The following NT5E variants were observed in gnomAD, a reference collection of about 807,000 sequenced individuals.
The protein encoded by NT5E is 5'-nucleotidase.
Under a neutral mutation model 55.1 loss-of-function variants are expected in NT5E, and 53 were observed. That is an observed-to-expected ratio of 0.96 (90% CI 0.77 to 1.21). The LOEUF (loss-of-function observed/expected upper bound fraction) is 1.21. Ranked by LOEUF, NT5E falls within the 50% of genes most tolerant of loss-of-function variation. The pLI is 0.00. For missense variants in NT5E, 683 were observed against 724.3 expected, an observed-to-expected ratio of 0.94 and a Z score of 0.65; for synonymous variants, 270 against 278.4, an observed-to-expected ratio of 0.97 and a Z score of 0.30.
intron 2 of NT5E, among the ~76,000 whole-genome samples, chr6:85,469,852 T>C (rs1469421388): frequency 6.6e-6 from 1 of 152,200 alleles, no homozygotes; most frequent in Non-Finnish European, 1.5e-5. Flanking sequence ...CCATGGTAAT[T>C]TGCACTTGTG....
chr6:85,493,770 A>T, intron 8 of NT5E, 71 bp from the exon 9 acceptor site: 1 of 1,345,440 alleles, frequency 7.4e-7, no homozygotes, highest in Non-Finnish European at 1.1e-6. Context: ...TTTTATAATT[A>T]CAAAGGACTA....
In NT5E at chr6:85,485,890, C is replaced by T. The variant is rs369286707; in HGVS notation, c.949+458C>T. Among the ~76,000 whole-genome samples, 479 of 152,218 alleles carry T rather than the reference C, an allele frequency of 3.1e-3. 2 individuals carry two copies. The highest frequency in any genetic ancestry group is 5.4e-3 in the Non-Finnish European group (370 of 68,028). On this transcript the variant is annotated intron_variant, in intron 4 of 8. Transcript: ENST00000257770. ...CTTATTTATATGTCTGAGTCTATTG[C>T]GGGATCTGGCCAGCAGCCCGCAATG...
chr6:85,491,151 C>T, intron 7 of NT5E: 1 of 514,756 alleles, frequency 1.9e-6, no homozygotes, highest in Non-Finnish European at 4.0e-6. Flanking sequence ...GGGGCAAGTT[C>T]TCAACCCCTC....
chr6:85,450,577 G>A lies in NT5E; in HGVS notation c.339+99G>A. On this transcript the variant is annotated intron_variant, in intron 1 of 8. Transcript: ENST00000257770. The surrounding 1 kb of genome is among the most constrained non-coding windows in gnomAD (Gnocchi z 4.0). ...GCAGAGTGTGGCAAGCCTAGGTCCA[G>A]GGCGCGGAGAGATGTGGGGATAAAG... 2.6e-6 allele frequency: 3 copies of A among 1,148,564 alleles called. No individual in the cohort carries two copies. Among genetic ancestry groups the A allele is most frequent in the South Asian group, 2.7e-5 (2 of 75,412 alleles). The allele number at this position is 1,148,564 out of a possible 1,614,324, so 71.1% of individuals were successfully genotyped here.
intron 8 of NT5E, among the ~76,000 whole-genome samples, chr6:85,493,143 G>A (rs918451135): frequency 6.6e-6 from 1 of 152,130 alleles, no homozygotes; most frequent in African/African-American, 2.4e-5. Flanking sequence ...CTCAACACTG[G>A]TTATACATTA....
Position 85,485,261 on chromosome 6 carries a change from G to C in NT5E, c.778G>C (p.Ala260Pro). 6.2e-7 allele frequency: 1 copy of C among 1,614,196 alleles called. No homozygotes were observed. The highest frequency in any genetic ancestry group is 8.5e-7 in the Non-Finnish European group (1 of 1,180,022). Residue 260 changes from alanine (A) to proline (P), a missense_variant, in exon 4 of 9, where the codon GCT becomes CCT. Coordinates refer to ENST00000257770, the MANE Select transcript of NT5E (RefSeq NM_002526.4). ...TGNPPSKEVP[A>P]GKYPFIVTSD... is the part of the protein sequence containing the mutation. ...CAATCCACCTTCCAAAGAGGTGCCT[G>C]CTGGGAAGTACCCATTCATAGTCAC... is the stretch of plus-strand genomic sequence containing the variant.
intron 2 of NT5E, among the ~76,000 whole-genome samples, chr6:85,469,411 CA>C (rs966880702): frequency 8.5e-4 from 118 of 138,610 alleles, no homozygotes; most frequent in Middle Eastern, 3.6e-3. Context: ...GGATACTGAC[CA>C]AAAAAAAAAA....
chr6:85,475,920 G>A (rs558997105), intron 3 of NT5E, among the ~76,000 whole-genome samples: 1 of 151,814 alleles, frequency 6.6e-6, no homozygotes, highest in Non-Finnish European at 1.5e-5. Context: ...CAGGATTTGG[G>A]GAAATAAAAA....
chr6:85,464,655 T>C (rs371624496), intron 1 of NT5E, among the ~76,000 whole-genome samples: 1 of 152,162 alleles, frequency 6.6e-6, no homozygotes, highest in African/African-American at 2.4e-5. Context: ...AAGGTCAGGT[T>C]TGCATTTGAG....
chr6:85,467,678 C>A (rs887242114), intron 2 of NT5E, among the ~76,000 whole-genome samples: 3 of 152,120 alleles, frequency 2.0e-5, no homozygotes, highest in Non-Finnish European at 2.9e-5. Context: ...CTTATTGCTC[C>A]TTTTCTAGGA....
At chr6:85,490,972 CAATTA>C in intron 7 of NT5E, 1 of 499,866 alleles carries the variant, frequency 2.0e-6, no homozygotes, top group Non-Finnish European at 3.9e-6. Flanking sequence ...TTTAAGCATT[CAATTA>C]TTTTTTTTTT....
intron 3 of NT5E, among the ~76,000 whole-genome samples, chr6:85,485,021 G>C (rs1769620576): frequency 6.6e-6 from 1 of 152,204 alleles, no homozygotes; most frequent in African/African-American, 2.4e-5. Flanking sequence ...CTTGGTAAAT[G>C]ACTGCTGAGT....
Position 85,494,235 on chromosome 6 carries a change from G to T in NT5E, c.*231G>T. The T allele has an allele frequency of 1.9e-6, 1 of 523,512 alleles. No homozygotes were observed. The highest frequency in any genetic ancestry group is 5.0e-4 in the Middle Eastern group (1 of 2,002). 32.4% of individuals were successfully genotyped at this position (523,512 alleles called of 1,614,324 possible). On this transcript the variant is annotated 3_prime_UTR_variant, in exon 9 of 9. Transcript: ENST00000257770. ...GCCCTATAAGGAGAAAGCCAACTATGTTAAGTTTACGTGTCCAAATTTTAA... is the reference window on the plus strand; with the variant it reads ...GCCCTATAAGGAGAAAGCCAACTATTTTAAGTTTACGTGTCCAAATTTTAA...
Position 85,493,912 on chromosome 6 carries a change from C to A in NT5E, c.1633C>A (p.Arg545=). 6.2e-7 allele frequency: 1 copy of A among 1,613,968 alleles called. No homozygotes were observed. The highest frequency in any genetic ancestry group is 8.5e-7 in the Non-Finnish European group (1 of 1,179,872). The change falls in exon 9 of 9, where the codon CGG becomes AGG. Residue 545 remains arginine (R), a synonymous_variant. Coordinates refer to ENST00000257770, the MANE Select transcript of NT5E (RefSeq NM_002526.4). ...MKVIYPAVEG[R]IKFSTGSHCH... is the part of the protein sequence containing the mutation. Reference sequence around the variant, plus strand: ...AGTAATTTATCCAGCAGTTGAAGGTCGGATCAAGTTTTCCACAGGAAGTCA... The same window carrying A: ...AGTAATTTATCCAGCAGTTGAAGGTAGGATCAAGTTTTCCACAGGAAGTCA...
At chr6:85,460,908 A>AAC (rs1162191514) in intron 1 of NT5E, among the ~76,000 whole-genome samples, 2 of 152,160 alleles carry the variant, frequency 1.3e-5, no homozygotes, top group African/African-American at 4.8e-5. Context: ...TGCAGGAGGA[A>AAC]ACACAGAGGT....
chr6:85,453,508 G>C (rs1307712978), intron 1 of NT5E, among the ~76,000 whole-genome samples: 2 of 152,128 alleles, frequency 1.3e-5, no homozygotes, highest in African/African-American at 4.8e-5. Context: ...AACTATTTTT[G>C]CTATAGTTAC....
rs1769759622 is a variant in NT5E, at chr6:85,490,531, G to A, written c.1234G>A (p.Ala412Thr). 1 of 1,614,176 alleles carries A rather than the reference G, an allele frequency of 6.2e-7. No homozygotes were observed. The highest frequency in any genetic ancestry group is 8.5e-7 in the Non-Finnish European group (1 of 1,180,022). The change falls in exon 7 of 9, where the codon GCT becomes ACT. Residue 412 changes from alanine to threonine, a missense_variant. Coordinates refer to ENST00000257770, the MANE Select transcript of NT5E (RefSeq NM_002526.4). Reference protein sequence around the residue: ...NNGTITWENLAAVLPFGGTFD... With the variant: ...NNGTITWENLTAVLPFGGTFD... ...AGGCACAATTACCTGGGAGAACCTG[G>A]CTGCTGTATTGCCCTTTGGAGGCAC...
intron 1 of NT5E, among the ~76,000 whole-genome samples, chr6:85,464,067 A>AT (rs67527174): frequency 0.38 from 37,116 of 98,352 alleles, 8,352 homozygotes; most frequent in Admixed American, 0.47. Context: ...GTAGTTAGGA[A>AT]TTTTTTTTTT....
chr6:85,471,179 T>C, intron 2 of NT5E, 58 bp from the exon 3 acceptor site: 1 of 1,213,034 alleles, frequency 8.2e-7, no homozygotes, highest in Non-Finnish European at 1.2e-6. Context: ...AATATGTATA[T>C]TAAGTAATAT....
Sources: allele counts gnomAD v4.1 joint callset (sites outside exome capture counted in the v4.1 genomes callset), GRCh38; gene constraint gnomAD v4.1.1; non-coding constraint Gnocchi (gnomAD v3.1); transcripts MANE v1.5; gene names NCBI Gene and HGNC (gene_info 2026-07-23, HGNC 2026-07-21).